The following MAP3K19 variants were observed in gnomAD, a reference collection of about 807,000 sequenced individuals.
MAP3K19 encodes mitogen-activated protein kinase kinase kinase 19, also known as SPS1/STE20-related protein kinase YSK4.
MAP3K19 carries 91 observed loss-of-function variants against 114.4 expected under a neutral mutation model. The ratio of observed to expected loss-of-function variants is 0.80; its 90% CI spans 0.67 to 0.95. The LOEUF is 0.95. Ranked by LOEUF, MAP3K19 falls within the 40% of genes least tolerant of loss-of-function variation. The pLI is 0.00. For missense variants in MAP3K19, 1,471 were observed against 1,573.2 expected, an observed-to-expected ratio of 0.94 and a Z score of 1.10; for synonymous variants, 518 against 530.5, an observed-to-expected ratio of 0.98 and a Z score of 0.32.
At chr2:135,043,107 T>C (rs1029280526) in intron 1 of MAP3K19, among the ~76,000 whole-genome samples, 2 of 151,574 alleles carry the variant, frequency 1.3e-5, no homozygotes, top group African/African-American at 4.9e-5. Context: ...ACAACAAAAT[T>C]TGAATGTGAG....
chr2:135,020,758 A>G (rs976366564), intron 5 of MAP3K19, among the ~76,000 whole-genome samples: 18 of 152,060 alleles, frequency 1.2e-4, no homozygotes, highest in Non-Finnish European at 2.1e-4. Flanking sequence ...ATGGTTTTAA[A>G]AGTGGCAGTT....
intron 5 of MAP3K19, among the ~76,000 whole-genome samples, chr2:135,012,368 G>A (rs542964792): frequency 6.6e-6 from 1 of 152,094 alleles, no homozygotes; most frequent in Admixed American, 6.6e-5. Context: ...TGGGAACCAG[G>A]GTACTAAATT....
intron 3 of MAP3K19, 48 bp from the exon 4 acceptor site, chr2:135,024,789 G>A: frequency 1.2e-5 from 8 of 659,006 alleles, no homozygotes; most frequent in Middle Eastern, 3.7e-4. Context: ...TGAATCTGTT[G>A]AAAAAAGAAA....
chr2:134,986,562 C>T lies in MAP3K19; in HGVS notation c.2310G>A (p.Lys770=), dbSNP rs1685123662. 1 of 1,614,048 alleles carries T rather than the reference C, an allele frequency of 6.2e-7. No homozygotes were observed. Residue 770 remains lysine (K), a synonymous_variant, in exon 10 of 13, where the codon AAG becomes AAA. Coordinates refer to ENST00000392915, the MANE Select transcript of MAP3K19 (RefSeq NM_025052.5). ...AAGATAGAAACTCATTTCCTGAAGA[C>T]TTTATCTGCCAGTCTGGTTCTGAAA... is the stretch of plus-strand genomic sequence containing the variant. ...DGISEPDWQI[K]SSGNEFLSSK...
intron 1 of MAP3K19, among the ~76,000 whole-genome samples, chr2:135,043,414 CTCTT>C (rs943577278): frequency 4.6e-5 from 7 of 152,264 alleles, no homozygotes; most frequent in African/African-American, 1.7e-4. Flanking sequence ...CCTGGCGACT[CTCTT>C]TCTTTGAAAG....
At position 134,986,703 on chromosome 2, in the gene MAP3K19, C is replaced by T. The variant is rs1455242886; in HGVS notation, c.2169G>A (p.Met723Ile). ...RTRLSQKKTH[M>I]KCPKTSFGIK... ...TGCCAAATGAAGTCTTTGGGCATTT[C>T]ATATGTGTTTTTTTCTGAGAAAGTC... The change falls in exon 10 of 13, where the codon ATG becomes ATA. Residue 723 changes from methionine (M) to isoleucine (I), a missense_variant. Transcript: ENST00000392915. 2.5e-6 allele frequency: 4 copies of T among 1,614,016 alleles called. No homozygotes were observed. The highest frequency in any genetic ancestry group is 3.4e-6 in the Non-Finnish European group (4 of 1,180,018).
intron 5 of MAP3K19, among the ~76,000 whole-genome samples, chr2:135,008,058 G>A (rs1031474760): frequency 1.5e-4 from 22 of 151,662 alleles, no homozygotes; most frequent in Non-Finnish European, 2.2e-4. Context: ...CTAAGTAAGT[G>A]TCATTTTAAT....
chr2:135,044,750 CTT>C (rs924994302), intron 1 of MAP3K19, among the ~76,000 whole-genome samples: 5 of 152,154 alleles, frequency 3.3e-5, no homozygotes, highest in African/African-American at 1.2e-4. Flanking sequence ...AGGCTTTCCT[CTT>C]GTTTTATTTT....
chr2:135,025,167 T>C (rs80250635), intron 3 of MAP3K19, among the ~76,000 whole-genome samples: 1 of 152,074 alleles, frequency 6.6e-6, no homozygotes, highest in East Asian at 1.9e-4. Context: ...TTGATTTTTT[T>C]CTTTTCAATA....
intron 11 of MAP3K19, among the ~76,000 whole-genome samples, chr2:134,982,474 C>G (rs1684775097): frequency 6.6e-6 from 1 of 151,648 alleles, no homozygotes; most frequent in Non-Finnish European, 1.5e-5. Flanking sequence ...CCTCAGCCTC[C>G]TGAGTAGCTG....
chr2:135,006,735 G>A (rs991541821), intron 5 of MAP3K19, among the ~76,000 whole-genome samples: 26 of 151,910 alleles, frequency 1.7e-4, no homozygotes, highest in African/African-American at 5.8e-4. Flanking sequence ...GCTTGAACCC[G>A]GGAGGTCAAG....
intron 3 of MAP3K19, among the ~76,000 whole-genome samples, chr2:135,028,303 C>A (rs1039089812): frequency 6.6e-6 from 1 of 152,118 alleles, no homozygotes; most frequent in Admixed American, 6.5e-5. Flanking sequence ...CACCTGTAAT[C>A]CCAGCACTTT....
intron 11 of MAP3K19, 90 bp downstream of exon 11, chr2:134,983,586 C>T: frequency 2.4e-6 from 2 of 839,424 alleles, no homozygotes; most frequent in Non-Finnish European, 3.5e-6. Flanking sequence ...CCAGAGGAAG[C>T]AGGGAGGATG....
chr2:135,021,826 T>C lies in MAP3K19; in HGVS notation c.27A>G (p.Arg9=). Residue 9 remains arginine, a synonymous_variant, in exon 5 of 13, where the codon AGA becomes AGG. Coordinates refer to ENST00000392915, the MANE Select transcript of MAP3K19 (RefSeq NM_025052.5). MSSMPKPE[R]HAESLLDICH... ...AAATGTCAAGCAATGACTCAGCATG[T>C]CTTTCTATCAAAAGAAACATAATAG... 1 of 1,584,650 alleles carries C rather than the reference T, an allele frequency of 6.3e-7. No homozygotes were observed. Among genetic ancestry groups the C allele is most frequent in the East Asian group, 2.3e-5 (1 of 44,340 alleles).
At chr2:134,970,384 T>C (rs1683781841) in intron 12 of MAP3K19, among the ~76,000 whole-genome samples, 1 of 152,158 alleles carries the variant, frequency 6.6e-6, no homozygotes, top group Non-Finnish European at 1.5e-5. Flanking sequence ...TAAATGGGAT[T>C]GCCTTCTTGA....
chr2:135,005,648 T>C, intron 5 of MAP3K19, 117 bp from the exon 6 acceptor site: 1 of 736,258 alleles, frequency 1.4e-6, no homozygotes, highest in Non-Finnish European at 2.3e-6. Flanking sequence ...CCTTTTAAAT[T>C]GGATAAAGTA....
chr2:134,967,207 A>C (rs550573806), intron 12 of MAP3K19, among the ~76,000 whole-genome samples: 1 of 152,196 alleles, frequency 6.6e-6, no homozygotes, highest in Non-Finnish European at 1.5e-5. Context: ...ATCAGGGGCA[A>C]CATACACTGT....
chr2:134,974,241 T>G (rs891006751), intron 12 of MAP3K19, among the ~76,000 whole-genome samples: 6 of 152,194 alleles, frequency 3.9e-5, no homozygotes, highest in African/African-American at 1.4e-4. Context: ...CTTTAGGTGA[T>G]CCACCCACTT....
rs959444261 is a variant in MAP3K19 at position 134,968,275 on chromosome 2, G to A, written c.3921-3359C>T. ...TGTATACTTCTTTCTACACAGACAC[G>A]GCAACCATCCGATTTCTCAGTCTTT... is the stretch of plus-strand genomic sequence containing the variant. On this transcript the variant is annotated intron_variant, in intron 12 of 12. Transcript: ENST00000392915. Among the ~76,000 whole-genome samples, 275 of 152,096 alleles carry A rather than the reference G, an allele frequency of 1.8e-3. 1 individual carries two copies. The highest frequency in any genetic ancestry group is 5.2e-3 in the African/African-American group (214 of 41,450).
Sources: allele counts gnomAD v4.1 joint callset (sites outside exome capture counted in the v4.1 genomes callset), GRCh38; gene constraint gnomAD v4.1.1; transcripts MANE v1.5; gene names NCBI Gene and HGNC (gene_info 2026-07-23, HGNC 2026-07-21).